PRKCE: variants seen among roughly 807,000 people sequenced by gnomAD.
The protein encoded by PRKCE is protein kinase C epsilon type.
A neutral mutation model predicts 85.4 loss-of-function variants in PRKCE; 16 were observed. The observed-to-expected ratio is 0.19, with a 90% CI of 0.13 to 0.28. The LOEUF (loss-of-function observed/expected upper bound fraction) is 0.28. PRKCE is among the 10% of genes least tolerant of loss of function. PRKCE has a pLI of 1.00. For missense variants in PRKCE, 573 were observed against 975.2 expected (o/e 0.59, Z 5.49); for synonymous variants, 388 against 371.5 (o/e 1.04, Z -0.51).
At chr2:45,937,872 T>G (rs1699589536) in intron 2 of PRKCE, among the ~76,000 whole-genome samples, 1 of 152,192 alleles carries the variant, frequency 6.6e-6, no homozygotes, top group Non-Finnish European at 1.5e-5. Flanking sequence ...CACCCCACTT[T>G]TCTTTAAAGA....
rs1283471708 is a variant in PRKCE, at chr2:45,711,483, A to T, written c.348+59035A>T. Among the ~76,000 whole-genome samples the T allele has an allele frequency of 5.9e-5, 9 of 152,354 alleles. No individual in the cohort carries two copies. The East Asian group carries it at 1.4e-3, about 23-fold the overall frequency. On this transcript the variant is annotated intron_variant, in intron 1 of 14. Transcript: ENST00000306156. ...GGGATAATGAAAGTCCTTATTTCAC[A>T]AGATCATTGCAATGATTAAATGAAT...
At chr2:45,657,759 A>T (rs1675445147) in intron 1 of PRKCE, among the ~76,000 whole-genome samples, 1 of 152,186 alleles carries the variant, frequency 6.6e-6, no homozygotes, top group African/African-American at 2.4e-5. Context: ...ACTCTGGGAG[A>T]TAGGCCTATA....
At chr2:45,687,465 A>C (rs1572944303) in intron 1 of PRKCE, among the ~76,000 whole-genome samples, 1 of 152,316 alleles carries the variant, frequency 6.6e-6, no homozygotes, top group East Asian at 1.9e-4. Flanking sequence ...TCCATGCATA[A>C]TGGGAACATA....
chr2:45,740,674 A>T (rs1211080568), intron 1 of PRKCE, among the ~76,000 whole-genome samples: 1 of 152,084 alleles, frequency 6.6e-6, no homozygotes, highest in African/African-American at 2.4e-5. Context: ...CTCCCTAGTT[A>T]CTTCTAGCTC....
chr2:45,983,335 C>G (rs61756860), intron 5 of PRKCE, among the ~76,000 whole-genome samples: 39,578 of 152,050 alleles, frequency 0.26, 5,275 homozygotes, highest in Middle Eastern at 0.32. Context: ...TGAGGCCCAG[C>G]TTTGCCGCAT....
At chr2:45,929,930 A>C (rs1698909933) in intron 2 of PRKCE, among the ~76,000 whole-genome samples, 1 of 152,202 alleles carries the variant, frequency 6.6e-6, no homozygotes, top group Non-Finnish European at 1.5e-5. Flanking sequence ...AAATTTCTCT[A>C]ATGCCCAGCA....
intron 2 of PRKCE, among the ~76,000 whole-genome samples, chr2:45,936,123 A>T (rs1699432853): frequency 6.6e-6 from 1 of 152,140 alleles, no homozygotes; most frequent in Non-Finnish European, 1.5e-5. Context: ...GCAGGCACTG[A>T]GGGCCAGCAC....
chr2:45,884,810 C>G (rs1214719253), intron 2 of PRKCE, among the ~76,000 whole-genome samples: 1 of 151,680 alleles, frequency 6.6e-6, no homozygotes, highest in Non-Finnish European at 1.5e-5. Flanking sequence ...GAAAGACACC[C>G]TTTCTCCAAC....
intron 6 of PRKCE, among the ~76,000 whole-genome samples, chr2:45,991,909 G>A (rs896830839): frequency 6.6e-6 from 1 of 152,158 alleles, no homozygotes; most frequent in African/African-American, 2.4e-5. Context: ...ATTGGGTCTG[G>A]TCTGAGAGGT....
At chr2:45,879,110 C>T (rs953086248) in intron 2 of PRKCE, among the ~76,000 whole-genome samples, 3 of 152,192 alleles carry the variant, frequency 2.0e-5, no homozygotes, top group African/African-American at 7.2e-5. Flanking sequence ...CCCTGGCCCA[C>T]CCTGCCCCTG....
chr2:45,975,747 A>G (rs781647249), intron 2 of PRKCE, among the ~76,000 whole-genome samples: 4 of 152,142 alleles, frequency 2.6e-5, no homozygotes, highest in Non-Finnish European at 4.4e-5. Flanking sequence ...TATTGGGAAG[A>G]TCTTTTTGAC....
At chr2:45,659,193 C>T (rs1675520852) in intron 1 of PRKCE, among the ~76,000 whole-genome samples, 1 of 152,084 alleles carries the variant, frequency 6.6e-6, no homozygotes. Context: ...TATTGTATAC[C>T]TATTTTCCCC....
intron 9 of PRKCE, among the ~76,000 whole-genome samples, chr2:46,010,001 T>A (rs1705524793): frequency 6.6e-6 from 1 of 152,266 alleles, no homozygotes; most frequent in African/African-American, 2.4e-5. Flanking sequence ...GCCTGGGCAT[T>A]GTGCCAGAGA....
At chr2:45,935,661 G>A (rs142080931) in intron 2 of PRKCE, among the ~76,000 whole-genome samples, 29 of 151,964 alleles carry the variant, frequency 1.9e-4, no homozygotes, top group African/African-American at 4.3e-4. Context: ...GTGACGTGCC[G>A]GTAATCCCAG....
At chr2:46,084,505 C>T (rs1280965748) in intron 10 of PRKCE, among the ~76,000 whole-genome samples, 1 of 151,940 alleles carries the variant, frequency 6.6e-6, no homozygotes, top group Non-Finnish European at 1.5e-5. Flanking sequence ...GGGTGGATCA[C>T]GAGGTCAGGA....
At chr2:45,972,311 A>T (rs919905579) in intron 2 of PRKCE, among the ~76,000 whole-genome samples, 1 of 152,064 alleles carries the variant, frequency 6.6e-6, no homozygotes, top group African/African-American at 2.4e-5. Context: ...TTTAAATTGG[A>T]TTATTTGGTT....
intron 10 of PRKCE, among the ~76,000 whole-genome samples, chr2:46,029,973 G>A (rs995981125): frequency 3.9e-5 from 6 of 152,052 alleles, no homozygotes; most frequent in African/African-American, 1.5e-4. Flanking sequence ...CCCTCTCTGT[G>A]ACGCAAGGTG....
chr2:45,962,668 G>A (rs79355718), intron 2 of PRKCE, among the ~76,000 whole-genome samples: 11,717 of 152,184 alleles, frequency 0.077, 510 homozygotes, highest in Middle Eastern at 0.16. Flanking sequence ...AGACAGCTCC[G>A]GGGGAGAGAG....
chr2:45,690,466 A>G (rs970689430), intron 1 of PRKCE, among the ~76,000 whole-genome samples: 8 of 152,264 alleles, frequency 5.3e-5, no homozygotes, highest in African/African-American at 1.9e-4. Context: ...ATTTATTCAC[A>G]GTGGAGACAG....
Sources: allele counts gnomAD v4.1 joint callset (sites outside exome capture counted in the v4.1 genomes callset), GRCh38; gene constraint gnomAD v4.1.1; transcripts MANE v1.5; gene names NCBI Gene and HGNC (gene_info 2026-07-23, HGNC 2026-07-21).